The following BAIAP2L2 variants were observed in gnomAD, a reference collection of about 807,000 sequenced individuals.
The protein encoded by BAIAP2L2 is BAR/IMD domain containing adaptor protein 2 like 2.
A neutral mutation model predicts 60.4 loss-of-function variants in BAIAP2L2; 65 were observed. The observed-to-expected ratio is 1.08, with a 90% confidence interval of 0.88 to 1.32. The LOEUF (loss-of-function observed/expected upper bound fraction) is 1.32, where lower values mean the gene tolerates loss of function less well. BAIAP2L2 is among the 40% of genes most tolerant of loss of function. BAIAP2L2 has a pLI of 0.00. For missense variants in BAIAP2L2, 836 were observed against 741.2 expected, an observed-to-expected ratio of 1.13 and a Z score of -1.48; for synonymous variants, 344 against 301.7, an observed-to-expected ratio of 1.14 and a Z score of -1.45.
In BAIAP2L2 at chr22:38,089,555, G is replaced by A. The variant is rs2086228022; in HGVS notation, c.732C>T (p.Pro244=). 8.1e-6 allele frequency: 10 copies of A among 1,227,712 alleles called. No homozygotes were observed. The African/African-American group carries it at 1.2e-4, about 15-fold the overall frequency. The allele number at this position is 1,227,712 out of a possible 1,614,324, so 76.1% of individuals were successfully genotyped here. Residue 244 remains proline, a synonymous_variant, in exon 8 of 14, where the codon CCC becomes CCT. Coordinates refer to ENST00000381669, the MANE Select transcript of BAIAP2L2 (RefSeq NM_025045.6). ...GGCAGGTGGGCGTCAGGCGGCCCGAGGGGTAGGGCGGCCCCAGCGCGGGGC... is the reference window on the plus strand; with the variant it reads ...GGCAGGTGGGCGTCAGGCGGCCCGAAGGGTAGGGCGGCCCCAGCGCGGGGC... The part of the protein sequence containing the change: ...LLGPALGPPY[P]SGRLTPTCLD...
Position 38,089,689 on chromosome 22 carries a change from A to G in BAIAP2L2, c.613-15T>C, listed in dbSNP as rs1362474554. 8.1e-7 allele frequency: 1 copy of G among 1,229,146 alleles called. No individual in the cohort carries two copies. The highest frequency in any genetic ancestry group is 3.2e-5 in the East Asian group (1 of 31,516). 76.1% of individuals were successfully genotyped at this position (1,229,146 alleles called of 1,614,324 possible). On this transcript the variant is annotated splice_polypyrimidine_tract_variant and intron_variant, in intron 7 of 13. Coordinates refer to ENST00000381669, the MANE Select transcript of BAIAP2L2 (RefSeq NM_025045.6). ...ATCCCCCGGGCCTGGCCGGGCGGGG[A>G]CACGGGGGTCAGCCAGGTCCGGGCG...
intron 4 of BAIAP2L2, among the ~76,000 whole-genome samples, chr22:38,099,574 GCT>G (rs1423670889): frequency 6.6e-6 from 1 of 152,112 alleles, no homozygotes; most frequent in African/African-American, 2.4e-5. Flanking sequence ...TTGACCAGCT[GCT>G]CTCTGAGAGC....
At chr22:38,110,140 A>AGAGAGAGAGG in intron 1 of BAIAP2L2, among the ~76,000 whole-genome samples, 2 of 108,508 alleles carry the variant, frequency 1.8e-5, no homozygotes, top group Non-Finnish European at 3.3e-5. Flanking sequence ...AGAGAGAGAG[A>AGAGAGAGAGG]GAGAGAGAGG....
chr22:38,088,830 A>G lies in BAIAP2L2; in HGVS notation c.1036T>C (p.Phe346Leu). 1 of 1,600,080 alleles carries G rather than the reference A, an allele frequency of 6.2e-7. No individual in the cohort carries two copies. Among genetic ancestry groups the G allele is most frequent in the Non-Finnish European group, 8.5e-7 (1 of 1,179,538 alleles). ...ACCTCCACCACGTCCCCAGCGGAGA[A>G]GCGCAGCAGCGTGTGGTTGGCGCCC... ...SEGANHTLLR[F>L]SAGDVVEVLV... The change falls in exon 10 of 14, where the codon TTC becomes CTC. Residue 346 changes from phenylalanine to leucine, a missense_variant. Phe to Leu is a conservative substitution (Grantham distance 22). Coordinates refer to ENST00000381669, the MANE Select transcript of BAIAP2L2 (RefSeq NM_025045.6).
chr22:38,098,033 T>TG, intron 6 of BAIAP2L2, 30 bp downstream of exon 6: 2 of 627,036 alleles, frequency 3.2e-6, no homozygotes, highest in Non-Finnish European at 5.7e-6. Context: ...CCGCCCTTCC[T>TG]GGCCCACCCC....
Position 38,108,273 on chromosome 22 carries a change from G to A in BAIAP2L2, c.196C>T (p.Pro66Ser). 1 of 1,612,660 alleles carries A rather than the reference G, an allele frequency of 6.2e-7. No individual in the cohort carries two copies. Among genetic ancestry groups the A allele is most frequent in the East Asian group, 2.2e-5 (1 of 44,884 alleles). ...GCCTCACCCAGAATCTGTGAGGTGGGGCTCTGCAGGGCACGCTCCCCAATC... is the reference window on the plus strand; with the variant it reads ...GCCTCACCCAGAATCTGTGAGGTGGAGCTCTGCAGGGCACGCTCCCCAATC... ...QKIGERALQS[P>S]TSQILGEILV... Residue 66 changes from proline (P) to serine (S), a missense_variant, in exon 3 of 14, where the codon CCC becomes TCC. Transcript: ENST00000381669.
At chr22:38,089,938 A>G (rs961893484) in intron 7 of BAIAP2L2, among the ~76,000 whole-genome samples, 5 of 151,352 alleles carry the variant, frequency 3.3e-5, no homozygotes, top group Non-Finnish European at 7.4e-5. Flanking sequence ...GGCTGTCCTC[A>G]CCGCCCAGCT....
In BAIAP2L2 at chr22:38,088,743, C is replaced by T. The variant is rs371552367; in HGVS notation, c.1118+5G>A. 6.3e-7 allele frequency: 1 copy of T among 1,592,708 alleles called. No homozygotes were observed. The highest frequency in any genetic ancestry group is 2.2e-5 in the East Asian group (1 of 44,542). On this transcript the variant is annotated splice_donor_5th_base_variant and intron_variant, in intron 10 of 13. Transcript: ENST00000381669. ...ACCCCCGGCCCCTCCAAGGCTCCCA[C>T]TCACGCGGACGAGCCCTCCAGCTTG...
In BAIAP2L2 at chr22:38,101,133, G is replaced by GA. The variant is rs201107859; in HGVS notation, c.277-2652dup. Among the ~76,000 whole-genome samples, 76 of 150,824 alleles carry GA rather than the reference G, an allele frequency of 5.0e-4. No homozygotes were observed. The East Asian group carries it at 0.013, about 26-fold the overall frequency. On this transcript the variant is annotated intron_variant, in intron 4 of 13. Transcript: ENST00000381669. ...ATTGTATGTAAACTTTACCTCAGTA[G>GA]AAAAAAAAACTCAGGTCTGGGATGA...
chr22:38,086,286 G>A lies in BAIAP2L2; in HGVS notation c.1423C>T (p.Arg475Cys), dbSNP rs748452614. ...SPAPPPLPSS[R>C]RSSMGSTAVA... ...GCTGTGCTGCCCATGCTGCTGCGGC[G>A]GCTGCTGGGCAAGGGTGGAGGTGCA... The change falls in exon 12 of 14, where the codon CGC becomes TGC. Residue 475 changes from arginine (R) to cysteine (C), a missense_variant. Physicochemically the swap from Arg to Cys is radical, Grantham distance 180. Coordinates refer to ENST00000381669, the MANE Select transcript of BAIAP2L2 (RefSeq NM_025045.6). The A allele has an allele frequency of 3.5e-5, 55 of 1,589,904 alleles. No homozygotes were observed. The highest frequency in any genetic ancestry group is 6.8e-5 in the East Asian group (3 of 44,324).
At chr22:38,097,351 C>A (rs2086460961) in intron 6 of BAIAP2L2, among the ~76,000 whole-genome samples, 173 bp from the exon 7 acceptor site, 1 of 152,150 alleles carries the variant, frequency 6.6e-6, no homozygotes, top group South Asian at 2.1e-4. Context: ...TCATCAGCAG[C>A]CTTGTTATGA....
In BAIAP2L2 at chr22:38,089,667, C is replaced by T; in HGVS notation, c.620G>A (p.Gly207Glu). 8.1e-7 allele frequency: 1 copy of T among 1,230,554 alleles called. No homozygotes were observed. The highest frequency in any genetic ancestry group is 3.2e-5 in the East Asian group (1 of 31,608). 76.2% of individuals were successfully genotyped at this position (1,230,554 alleles called of 1,614,324 possible). Residue 207 changes from glycine (G) to glutamate (E), a missense_variant, in exon 8 of 14, where the codon GGG (glycine) becomes GAG (glutamate). Gly to Glu is a moderately conservative substitution (Grantham distance 98). Coordinates refer to ENST00000381669, the MANE Select transcript of BAIAP2L2 (RefSeq NM_025045.6). ...CAGCAGCACGCGGTTCTGGAGCATC[C>T]CCCGGGCCTGGCCGGGCGGGGACAC... ...TFLQFFGRAR[G>E]MLQNRVLLWK...
At position 38,103,113 on chromosome 22, in the gene BAIAP2L2, G is replaced by T. The variant is rs538006664; in HGVS notation, c.277-4631C>A. ...TTCTTATAGTCCCAGCTACTTGGGA[G>T]GCTGAGGCAGGAAGATCATTTGAGC... On this transcript the variant is annotated intron_variant, in intron 4 of 13. Transcript: ENST00000381669. Among the ~76,000 whole-genome samples, 3 of 152,104 alleles carry T rather than the reference G, an allele frequency of 2.0e-5. No individual in the cohort carries two copies. In the East Asian group the frequency reaches 5.8e-4, roughly 29 times the overall value.
At chr22:38,103,766 G>C (rs2086609794) in intron 4 of BAIAP2L2, among the ~76,000 whole-genome samples, 1 of 152,054 alleles carries the variant, frequency 6.6e-6, no homozygotes, top group South Asian at 2.1e-4. Context: ...GGGAGGCTGA[G>C]GCTGGAGAAT....
At chr22:38,105,325 G>A (rs1745639343) in intron 4 of BAIAP2L2, among the ~76,000 whole-genome samples, 1 of 144,826 alleles carries the variant, frequency 6.9e-6, no homozygotes, top group Non-Finnish European at 1.5e-5. Flanking sequence ...ACCTCCTTCA[G>A]CCCTTTTTCT....
intron 4 of BAIAP2L2, among the ~76,000 whole-genome samples, chr22:38,106,404 C>T (rs112110095): frequency 0.047 from 7,086 of 151,932 alleles, 226 homozygotes; most frequent in Middle Eastern, 0.075. Context: ...CCTGTAATCC[C>T]AGCCGCTCGG....
intron 1 of BAIAP2L2, among the ~76,000 whole-genome samples, chr22:38,110,097 GAC>G (rs1437478257): frequency 5.1e-5 from 1 of 19,616 alleles, no homozygotes; most frequent in African/African-American, 2.0e-4. Flanking sequence ...GAGAGAGAGA[GAC>G]AGAGAGAGGG....
chr22:38,104,652 T>C (rs547974058), intron 4 of BAIAP2L2, among the ~76,000 whole-genome samples: 30 of 151,910 alleles, frequency 2.0e-4, no homozygotes, highest in Middle Eastern at 3.4e-3. Context: ...CCCACCACCA[T>C]GCCCGGCTAA....
chr22:38,085,411 A>AGAT (rs746529916), intron 13 of BAIAP2L2, 36 bp from the exon 14 acceptor site: 2 of 1,595,206 alleles, frequency 1.3e-6, no homozygotes, highest in Non-Finnish European at 1.7e-6. Context: ...TGAGAAGGGC[A>AGAT]GATGATCCCC....
Sources: allele counts gnomAD v4.1 joint callset (sites outside exome capture counted in the v4.1 genomes callset), GRCh38; gene constraint gnomAD v4.1.1; transcripts MANE v1.5; gene names NCBI Gene and HGNC (gene_info 2026-07-23, HGNC 2026-07-21).